BHMT: variants seen among roughly 807,000 people sequenced by gnomAD.
BHMT encodes betaine--homocysteine S-methyltransferase, also known as betaine--homocysteine S-methyltransferase 1.
BHMT carries 38 observed loss-of-function variants against 49.5 expected under a neutral mutation model. That is an observed-to-expected ratio of 0.77 (90% confidence interval 0.59 to 1.01). The LOEUF (loss-of-function observed/expected upper bound fraction) is 1.01. Ranked by LOEUF, BHMT falls within the 50% of genes least tolerant of loss-of-function variation. The pLI is 0.00. For synonymous variants in BHMT, 166 were observed against 176.3 expected, an observed-to-expected ratio of 0.94 and a Z score of 0.46; for missense variants, 426 against 495.7, an observed-to-expected ratio of 0.86 and a Z score of 1.34.
intron 4 of BHMT, 108 bp downstream of exon 4, chr5:79,120,649 T>C (rs1382975956): frequency 6.1e-6 from 6 of 986,182 alleles, no homozygotes; most frequent in African/African-American, 1.7e-5. Context: ...TAACTAGCAA[T>C]AGTAATATTT....
At chr5:79,126,302 C>G in intron 6 of BHMT, 74 bp downstream of exon 6, 1 of 1,517,756 alleles carries the variant, frequency 6.6e-7, no homozygotes. Context: ...AATCTATACC[C>G]AGAGATCTTT....
intron 7 of BHMT, 99 bp from the exon 8 acceptor site, chr5:79,130,830 AAATT>A: frequency 9.0e-7 from 1 of 1,109,448 alleles, no homozygotes; most frequent in Admixed American, 3.3e-5. Context: ...GTGCTGCGTG[AAATT>A]ATTTAAAATA....
intron 6 of BHMT, among the ~76,000 whole-genome samples, chr5:79,127,292 G>A (rs1756567969): frequency 6.6e-6 from 1 of 152,134 alleles, no homozygotes; most frequent in Non-Finnish European, 1.5e-5. Flanking sequence ...TGTTGACTGG[G>A]GGCCTCAGTT....
intron 5 of BHMT, among the ~76,000 whole-genome samples, chr5:79,123,844 A>G (rs1208654772): frequency 6.6e-6 from 1 of 152,120 alleles, no homozygotes; most frequent in Non-Finnish European, 1.5e-5. Context: ...GAGCTACTGC[A>G]CCTGGCCCAA....
At chr5:79,125,976 G>A (rs1336283908) in intron 5 of BHMT, 70 bp from the exon 6 acceptor site, 5 of 1,460,372 alleles carry the variant, frequency 3.4e-6, no homozygotes, top group Non-Finnish European at 4.6e-6. Flanking sequence ...GATTCCTGAT[G>A]AAGAGAGGAG....
intron 3 of BHMT, among the ~76,000 whole-genome samples, chr5:79,120,119 T>C (rs1330172562): frequency 6.6e-6 from 1 of 152,146 alleles, no homozygotes; most frequent in Non-Finnish European, 1.5e-5. Context: ...ATCTCACACA[T>C]CTTTGGTACA....
At chr5:79,128,984 C>G (rs1375789413) in intron 7 of BHMT, among the ~76,000 whole-genome samples, 1 of 152,094 alleles carries the variant, frequency 6.6e-6, no homozygotes, top group Admixed American at 6.6e-5. Flanking sequence ...ACTATCTCTG[C>G]CTAACAGAAA....
At position 79,120,393 on chromosome 5, in the gene BHMT, T is replaced by C; in HGVS notation, c.329T>C (p.Val110Ala). 1 of 1,613,924 alleles carries C rather than the reference T, an allele frequency of 6.2e-7. No homozygotes were observed. The highest frequency in any genetic ancestry group is 8.5e-7 in the Non-Finnish European group (1 of 1,179,930). ...GCTGCTTGCGACATCGCCCGACAAGTGGCTGATGAAGGAGATGCTTTGGTA... is the reference window on the plus strand; with the variant it reads ...GCTGCTTGCGACATCGCCCGACAAGCGGCTGATGAAGGAGATGCTTTGGTA... ...NEAACDIARQ[V>A]ADEGDALVAG... The change falls in exon 4 of 8, where the codon GTG (valine) becomes GCG (alanine). Residue 110 changes from valine (V) to alanine (A), a missense_variant. Around this residue, in one of 3 missense-constraint regions of BHMT, gnomAD observed 321 missense variants for 355.9 expected, o/e 0.90. Transcript: ENST00000274353.
Position 79,120,398 on chromosome 5 carries a change from G to A in BHMT, c.334G>A (p.Asp112Asn), listed in dbSNP as rs1476685775. Residue 112 changes from aspartate to asparagine, a missense_variant, in exon 4 of 8, where the codon GAT becomes AAT. Around this residue, in one of 3 missense-constraint regions of BHMT, gnomAD observed 321 missense variants for 355.9 expected, o/e 0.90. Transcript: ENST00000274353. The part of the protein sequence containing the change: ...AACDIARQVA[D>N]EGDALVAGGV... ...TTGCGACATCGCCCGACAAGTGGCT[G>A]ATGAAGGAGATGCTTTGGTAGCAGG... The A allele has an allele frequency of 1.2e-6, 2 of 1,613,944 alleles. No individual in the cohort carries two copies. Among genetic ancestry groups the A allele is most frequent in the Non-Finnish European group, 1.7e-6 (2 of 1,179,942 alleles).
At position 79,131,256 on chromosome 5, in the gene BHMT, T is replaced by C. The variant is rs1475064610; in HGVS notation, c.*140T>C. On this transcript the variant is annotated 3_prime_UTR_variant, in exon 8 of 8. Coordinates refer to ENST00000274353, the MANE Select transcript of BHMT (RefSeq NM_001713.3). ...TTGCTATTACCTGAACAAAATAGAA[T>C]TACAAATAGCACTTGATAATTTTAA... 6.2e-5 allele frequency: 49 copies of C among 790,406 alleles called. No homozygotes were observed. The Middle Eastern group carries it at 2.8e-3, about 44-fold the overall frequency. 49.0% of individuals were successfully genotyped at this position (790,406 alleles called of 1,614,324 possible).
At chr5:79,112,949 A>G (rs899404912) in intron 1 of BHMT, among the ~76,000 whole-genome samples, 3 of 152,292 alleles carry the variant, frequency 2.0e-5, no homozygotes, top group Non-Finnish European at 4.4e-5. Flanking sequence ...CCCCCGGAAA[A>G]TGGTAGGGAG....
intron 1 of BHMT, 97 bp from the exon 2 acceptor site, chr5:79,115,670 C>G: frequency 7.5e-7 from 1 of 1,333,424 alleles, no homozygotes; most frequent in South Asian, 1.9e-5. Context: ...CTAAAATAAC[C>G]ACACATCTCC....
intron 4 of BHMT, 54 bp downstream of exon 4, chr5:79,120,595 AC>A: frequency 6.7e-7 from 1 of 1,502,674 alleles, no homozygotes; most frequent in African/African-American, 1.4e-5. Flanking sequence ...CATTTTCTCT[AC>A]CTTTTGCTTT....
intron 5 of BHMT, among the ~76,000 whole-genome samples, 171 bp downstream of exon 5, chr5:79,121,536 T>C (rs908074083): frequency 8.5e-5 from 13 of 152,084 alleles, no homozygotes; most frequent in African/African-American, 4.8e-5. Flanking sequence ...TAAAAATGGC[T>C]GGGCGCGGTG....
At position 79,121,503 on chromosome 5, in the gene BHMT, A is replaced by G. The variant is rs529086109; in HGVS notation, c.625+138A>G. ...TTATTTTTGTAAGAATATTGATATT[A>G]TTGAATCCCAGAGGAAAAGTTTTAA... On this transcript the variant is annotated intron_variant, in intron 5 of 7. Transcript: ENST00000274353. The G allele has an allele frequency of 1.4e-5, 18 of 1,272,202 alleles. No individual in the cohort carries two copies. The East Asian group carries it at 4.7e-4, about 33-fold the overall frequency. The allele number at this position is 1,272,202 out of a possible 1,614,324, so 78.8% of individuals were successfully genotyped here.
intron 2 of BHMT, among the ~76,000 whole-genome samples, chr5:79,117,410 T>A (rs1226649742): frequency 6.6e-6 from 1 of 152,192 alleles, no homozygotes; most frequent in African/African-American, 2.4e-5. Context: ...ACTCCCTATA[T>A]TTTTCATTGG....
intron 1 of BHMT, among the ~76,000 whole-genome samples, chr5:79,115,317 A>T (rs556527437): frequency 2.6e-5 from 4 of 152,094 alleles, no homozygotes; most frequent in South Asian, 4.2e-4. Context: ...AAAAAAAAAA[A>T]ATAGCATTCT....
At chr5:79,129,534 AG>A (rs1334127891) in intron 7 of BHMT, among the ~76,000 whole-genome samples, 1 of 152,196 alleles carries the variant, frequency 6.6e-6, no homozygotes, top group East Asian at 1.9e-4. Flanking sequence ...GGAGTTATGT[AG>A]GACCCCATCC....
At position 79,111,834 on chromosome 5, in the gene BHMT, C is replaced by G; in HGVS notation, c.-52C>G. ...AGCTCGGGGCTGCGCAGCGGGAAGG[C>G]TCGCCTAGTCGGTCCGCATCCGTGT... On this transcript the variant is annotated 5_prime_UTR_variant, in exon 1 of 8. Coordinates refer to ENST00000274353, the MANE Select transcript of BHMT (RefSeq NM_001713.3). The G allele has an allele frequency of 1.9e-6, 3 of 1,607,988 alleles. No homozygotes were observed. The highest frequency in any genetic ancestry group is 2.2e-5 in the South Asian group (2 of 90,074).
Sources: allele counts gnomAD v4.1 joint callset (sites outside exome capture counted in the v4.1 genomes callset), GRCh38; gene constraint gnomAD v4.1.1; regional missense constraint gnomAD v4.1.1; transcripts MANE v1.5; gene names NCBI Gene and HGNC (gene_info 2026-07-23, HGNC 2026-07-21).